ITGB1: variants seen among roughly 807,000 people sequenced by gnomAD.
ITGB1 encodes integrin beta-1.
A neutral mutation model predicts 86.5 loss-of-function variants in ITGB1; 24 were observed. The observed-to-expected ratio is 0.28, with a 90% CI of 0.20 to 0.39. The LOEUF (loss-of-function observed/expected upper bound fraction) is 0.39, where lower values mean the gene tolerates loss of function less well. ITGB1 is among the 10% of genes least tolerant of loss of function. The pLI, the probability that ITGB1 is intolerant of heterozygous loss-of-function variation, is 1.00. For synonymous variants in ITGB1, 323 were observed against 316.8 expected (o/e 1.02, Z -0.21); for missense variants, 556 against 946.9 (o/e 0.59, Z 5.42).
In ITGB1 at chr10:32,956,968, C is replaced by T. The variant is rs138997854; in HGVS notation, c.-1+1177G>A. Among the ~76,000 whole-genome samples, 1,388 of 152,284 alleles carry T rather than the reference C, an allele frequency of 9.1e-3. 14 individuals carry two copies. The highest frequency in any genetic ancestry group is 0.013 in the Non-Finnish European group (881 of 68,024). Reference sequence around the variant, plus strand: ...TAAACGCGGACTCTGGAACTAGACCCCATGCCTTCTCCAGGAGCTCCTGAT... The same window carrying T: ...TAAACGCGGACTCTGGAACTAGACCTCATGCCTTCTCCAGGAGCTCCTGAT... On this transcript the variant is annotated intron_variant, in intron 1 of 15. Transcript: ENST00000302278.
chr10:32,915,475 AG>A (rs2094928635), intron 11 of ITGB1, among the ~76,000 whole-genome samples: 2 of 152,210 alleles, frequency 1.3e-5, no homozygotes, highest in Non-Finnish European at 2.9e-5. Flanking sequence ...AAAATGATAA[AG>A]GGGATATCAC....
intron 11 of ITGB1, among the ~76,000 whole-genome samples, chr10:32,919,205 CTT>C (rs2094941155): frequency 6.6e-6 from 1 of 152,150 alleles, no homozygotes; most frequent in South Asian, 2.1e-4. Context: ...TAAGCCTAGT[CTT>C]TTGGGGCTGA....
intron 11 of ITGB1, among the ~76,000 whole-genome samples, chr10:32,915,263 A>G (rs970610955): frequency 2.0e-5 from 3 of 152,226 alleles, no homozygotes; most frequent in Non-Finnish European, 2.9e-5. Flanking sequence ...GAACTAGAGA[A>G]GCAAGAGCAA....
Position 32,910,397 on chromosome 10 carries a change from C to G in ITGB1, c.1990G>C (p.Glu664Gln). The stretch of plus-strand genomic sequence containing the variant: ...TTGGTAATGTTAAAATAGGAACATT[C>G]CTGTGTGCATGTGTCTTTCTTTTCT... The part of the protein sequence containing the change: ...KGEKKDTCTQ[E>Q]CSYFNITKVE... The change falls in exon 14 of 16, where the codon GAA (glutamate) becomes CAA (glutamine). Residue 664 changes from glutamate (E) to glutamine (Q), a missense_variant. Transcript: ENST00000302278. 1.9e-6 allele frequency: 3 copies of G among 1,606,134 alleles called. No individual in the cohort carries two copies. The highest frequency in any genetic ancestry group is 2.6e-6 in the Non-Finnish European group (3 of 1,173,258).
At chr10:32,922,920 A>G (rs1222657836) in intron 7 of ITGB1, among the ~76,000 whole-genome samples, 185 bp from the exon 8 acceptor site, 2 of 152,212 alleles carry the variant, frequency 1.3e-5, no homozygotes. Context: ...TAACTAGATT[A>G]CAAGACTGCT....
intron 2 of ITGB1, among the ~76,000 whole-genome samples, chr10:32,934,110 G>A (rs958542004): frequency 9.2e-5 from 14 of 152,042 alleles, no homozygotes; most frequent in Admixed American, 7.9e-4. Flanking sequence ...TAACTACTAA[G>A]TTGAAGAGCA....
chr10:32,926,109 C>A lies in ITGB1; in HGVS notation c.548G>T (p.Gly183Val). ...AGTCTTTTCCACAAATGAGCCAAATCCTGCCAAGAAAAAAATGGTACATAA... is the reference window on the plus strand; with the variant it reads ...AGTCTTTTCCACAAATGAGCCAAATACTGCCAAGAAAAAAATGGTACATAA... ...MRRITSDFRI[G>V]FGSFVEKTVM... is the part of the protein sequence containing the mutation. The change falls in exon 6 of 16, where the codon GGA becomes GTA. Residue 183 changes from glycine (G) to valine (V), a missense_variant and splice_region_variant. By Grantham distance (109) the Gly-to-Val change is moderately radical (BLOSUM62 -3). This residue lies in a region of ITGB1 where 183 missense variants were observed against 263.9 expected (regional missense o/e 0.69). Coordinates refer to ENST00000302278, the MANE Select transcript of ITGB1 (RefSeq NM_002211.4). 1 of 1,603,736 alleles carries A rather than the reference C, an allele frequency of 6.2e-7. No individual in the cohort carries two copies. The highest frequency in any genetic ancestry group is 1.1e-5 in the South Asian group (1 of 90,126).
chr10:32,922,772 C>T (rs1315839163), intron 7 of ITGB1, 37 bp from the exon 8 acceptor site: 3 of 1,168,954 alleles, frequency 2.6e-6, no homozygotes, highest in Non-Finnish European at 2.5e-6. Context: ...TATTTAAATA[C>T]ACCCTTATAA....
chr10:32,925,114 G>C (rs573164118), intron 6 of ITGB1, among the ~76,000 whole-genome samples: 1 of 152,198 alleles, frequency 6.6e-6, no homozygotes, highest in African/African-American at 2.4e-5. Context: ...GAGAATGGGG[G>C]CACTGGAGGG....
At chr10:32,931,055 A>T (rs1350715743) in intron 3 of ITGB1, among the ~76,000 whole-genome samples, 1 of 152,206 alleles carries the variant, frequency 6.6e-6, no homozygotes, top group Non-Finnish European at 1.5e-5. Context: ...AAGAATACAC[A>T]ATAGTTTTTA....
chr10:32,911,366 C>T, intron 13 of ITGB1, 82 bp downstream of exon 13: 1 of 1,168,794 alleles, frequency 8.6e-7, no homozygotes, highest in South Asian at 1.3e-5. Flanking sequence ...AATATTGGCA[C>T]TGTTCTGGTT....
intron 7 of ITGB1, 135 bp downstream of exon 7, chr10:32,923,450 A>G (rs953831668): frequency 1.1e-5 from 7 of 609,816 alleles, no homozygotes; most frequent in African/African-American, 7.7e-5. Flanking sequence ...TGCACTTTCA[A>G]TCAGGACCCC....
chr10:32,951,051 G>A (rs1164171604), intron 1 of ITGB1, among the ~76,000 whole-genome samples: 1 of 152,102 alleles, frequency 6.6e-6, no homozygotes, highest in African/African-American at 2.4e-5. Context: ...GGGGGTAGGG[G>A]GAGGTAAAGC....
At chr10:32,957,332 T>C (rs186348335) in intron 1 of ITGB1, among the ~76,000 whole-genome samples, 1 of 152,286 alleles carries the variant, frequency 6.6e-6, no homozygotes, top group East Asian at 1.9e-4. Flanking sequence ...TTATGAAGCC[T>C]AAGAAATGAC....
intron 1 of ITGB1, among the ~76,000 whole-genome samples, chr10:32,940,901 T>C (rs1159708788): frequency 6.6e-6 from 1 of 152,242 alleles, no homozygotes; most frequent in Non-Finnish European, 1.5e-5. Flanking sequence ...TGGAGGTTCC[T>C]CTTCAGACAA....
chr10:32,921,163 C>CA (rs5784312), intron 9 of ITGB1, among the ~76,000 whole-genome samples: 33,063 of 121,602 alleles, frequency 0.27, 5,542 homozygotes, highest in African/African-American at 0.51. Flanking sequence ...GTAGCCCAGC[C>CA]AAAAAAAAAA....
intron 11 of ITGB1, among the ~76,000 whole-genome samples, chr10:32,912,945 GC>G (rs1157767203): frequency 3.9e-5 from 6 of 152,178 alleles, no homozygotes; most frequent in Non-Finnish European, 8.8e-5. Flanking sequence ...ACAGCCCGGT[GC>G]CCCTCTGAGA....
Position 32,941,108 on chromosome 10 carries a change from G to C in ITGB1, c.1-5550C>G, listed in dbSNP as rs556078432. Among the ~76,000 whole-genome samples the C allele has an allele frequency of 4.6e-5, 7 of 152,352 alleles. No individual in the cohort carries two copies. In the South Asian group the frequency reaches 1.5e-3, roughly 32 times the overall value. On this transcript the variant is annotated intron_variant, in intron 1 of 15. Transcript: ENST00000302278. ...ACATGGCAGTGTTTCAGTTAGACCT[G>C]AAGGCACATAGGAGATGGGTGTGGA...
At chr10:32,951,423 C>T (rs370489692) in intron 1 of ITGB1, among the ~76,000 whole-genome samples, 2 of 151,842 alleles carry the variant, frequency 1.3e-5, no homozygotes, top group East Asian at 3.9e-4. Context: ...CACCACCAGC[C>T]CCTCCCTGTC....
Sources: allele counts gnomAD v4.1 joint callset (sites outside exome capture counted in the v4.1 genomes callset), GRCh38; gene constraint gnomAD v4.1.1; regional missense constraint gnomAD v4.1.1; transcripts MANE v1.5; gene names NCBI Gene and HGNC (gene_info 2026-07-23, HGNC 2026-07-21).